Variants in ADGB observed in about 807,000 individuals in gnomAD.
ADGB encodes the protein androglobin.
ADGB carries 172 observed loss-of-function variants against 210.5 expected under a neutral mutation model. The ratio of observed to expected loss-of-function variants is 0.82; its 90% confidence interval spans 0.72 to 0.93. The LOEUF (loss-of-function observed/expected upper bound fraction) is 0.93. ADGB is among the 40% of genes least tolerant of loss of function. The probability of loss-of-function intolerance (pLI) is 0.00; values close to 1 mark genes in which losing one functional copy is unlikely to be tolerated. For synonymous variants in ADGB, 658 were observed against 662.7 expected, an observed-to-expected ratio of 0.99 and a Z score of 0.11; for missense variants, 2,025 against 1,964.8, an observed-to-expected ratio of 1.03 and a Z score of -0.58.
intron 2 of ADGB, among the ~76,000 whole-genome samples, chr6:146,644,225 C>T (rs970114726): frequency 1.3e-5 from 2 of 151,618 alleles, no homozygotes; most frequent in African/African-American, 4.8e-5. Flanking sequence ...TATAAGAACC[C>T]ATTGTATTAT....
chr6:146,758,741 C>T (rs189763679), intron 27 of ADGB, among the ~76,000 whole-genome samples: 341 of 152,004 alleles, frequency 2.2e-3, no homozygotes, highest in African/African-American at 7.6e-3. Flanking sequence ...ACAGAAATCA[C>T]TGTTTTTCTT....
At chr6:146,697,978 CA>C (rs1326115999) in intron 12 of ADGB, among the ~76,000 whole-genome samples, 5 of 152,094 alleles carry the variant, frequency 3.3e-5, no homozygotes. Flanking sequence ...GTCTGGTACA[CA>C]AATTACGTGG....
At chr6:146,658,862 C>T (rs1197833273) in intron 5 of ADGB, among the ~76,000 whole-genome samples, 1 of 152,172 alleles carries the variant, frequency 6.6e-6, no homozygotes, top group Non-Finnish European at 1.5e-5. Context: ...CCCTCTGTTT[C>T]CTCAGTGGTC....
intron 28 of ADGB, among the ~76,000 whole-genome samples, chr6:146,768,403 G>T (rs1189407164): frequency 6.6e-6 from 1 of 152,072 alleles, no homozygotes; most frequent in East Asian, 1.9e-4. Context: ...GGAACAATAA[G>T]AGAAAGTAAG....
intron 2 of ADGB, among the ~76,000 whole-genome samples, chr6:146,638,524 T>G (rs1243719841): frequency 1.4e-5 from 2 of 144,808 alleles, no homozygotes; most frequent in Admixed American, 7.5e-5. Flanking sequence ...AAACACCACA[T>G]GTTCTCACTC....
chr6:146,688,474 TC>T (rs1776261920), intron 10 of ADGB, among the ~76,000 whole-genome samples: 1 of 152,078 alleles, frequency 6.6e-6, no homozygotes, highest in Admixed American at 6.6e-5. Context: ...TGAAGAAGAT[TC>T]CACTGGGTTC....
intron 12 of ADGB, among the ~76,000 whole-genome samples, chr6:146,699,067 C>T (rs922482478): frequency 1.8e-4 from 27 of 152,030 alleles, no homozygotes; most frequent in African/African-American, 6.5e-4. Context: ...GCTTAAGCTA[C>T]CCATTGTTTT....
chr6:146,735,816 T>C (rs989643410), intron 22 of ADGB, among the ~76,000 whole-genome samples: 4 of 152,218 alleles, frequency 2.6e-5, no homozygotes, highest in African/African-American at 9.6e-5. Context: ...ATTGAATAAC[T>C]CTTGATTGCA....
At chr6:146,782,288 ATTCT>A in intron 30 of ADGB, 96 bp downstream of exon 30, 1 of 1,172,128 alleles carries the variant, frequency 8.5e-7, no homozygotes, top group East Asian at 2.8e-5. Context: ...ACCGTGAAAC[ATTCT>A]TTCTCCCTGA....
chr6:146,691,739 CCA>C (rs1776332632), intron 11 of ADGB, among the ~76,000 whole-genome samples: 1 of 150,824 alleles, frequency 6.6e-6, no homozygotes, highest in South Asian at 2.1e-4. Flanking sequence ...TCTGACTTGA[CCA>C]CATATATGAA....
At chr6:146,703,891 T>G (rs1776530603) in intron 13 of ADGB, among the ~76,000 whole-genome samples, 2 of 151,808 alleles carry the variant, frequency 1.3e-5, no homozygotes, top group African/African-American at 4.8e-5. Flanking sequence ...ACCTCCATAC[T>G]GTTTTCTACA....
At chr6:146,703,276 C>T (rs1776518550) in intron 13 of ADGB, among the ~76,000 whole-genome samples, 1 of 151,730 alleles carries the variant, frequency 6.6e-6, no homozygotes, top group Non-Finnish European at 1.5e-5. Flanking sequence ...AAAATATATG[C>T]ATTTATAGTG....
In ADGB at chr6:146,716,887, A is replaced by T; in HGVS notation, c.1746A>T (p.Thr582=). 1 of 1,548,110 alleles carries T rather than the reference A, an allele frequency of 6.5e-7. No individual in the cohort carries two copies. The highest frequency in any genetic ancestry group is 2.5e-5 in the East Asian group (1 of 40,816). Residue 582 remains threonine, a synonymous_variant, in exon 15 of 36, where the codon ACA becomes ACT. Transcript: ENST00000397944. ...TTTGACATGTGTGTCTTCTAGGCAC[A>T]GATGAACAAACAGACTTTGGATTGG... ...TASQVILGKG[T]DEQTDFGLGD...
At chr6:146,632,512 T>C (rs1036547778) in intron 1 of ADGB, among the ~76,000 whole-genome samples, 8 of 152,120 alleles carry the variant, frequency 5.3e-5, no homozygotes, top group African/African-American at 1.9e-4. Context: ...AAGATGTGTA[T>C]GTATTTGAAG....
intron 2 of ADGB, among the ~76,000 whole-genome samples, chr6:146,637,952 C>T (rs1775448634): frequency 6.6e-6 from 1 of 151,934 alleles, no homozygotes; most frequent in Admixed American, 6.6e-5. Flanking sequence ...ATCTTCAGGC[C>T]ACTATCATCG....
intron 29 of ADGB, 33 bp from the exon 30 acceptor site, chr6:146,781,987 G>T: frequency 1.4e-6 from 2 of 1,407,960 alleles, no homozygotes; most frequent in South Asian, 1.8e-5. Context: ...GTTATATTAT[G>T]ACTCACCATT....
intron 1 of ADGB, among the ~76,000 whole-genome samples, chr6:146,621,314 G>A (rs1423912943): frequency 6.6e-6 from 1 of 152,040 alleles, no homozygotes; most frequent in Non-Finnish European, 1.5e-5. Context: ...CCACTGACTG[G>A]AGCACAAAGT....
At chr6:146,809,107 G>T (rs181404073) in intron 35 of ADGB, among the ~76,000 whole-genome samples, 2,676 of 152,072 alleles carry the variant, frequency 0.018, 89 homozygotes, top group African/African-American at 0.061. Flanking sequence ...TGCTACTTGA[G>T]ATAATGGGAA....
intron 9 of ADGB, among the ~76,000 whole-genome samples, chr6:146,678,641 A>T (rs575800702): frequency 6.6e-6 from 1 of 152,308 alleles, no homozygotes; most frequent in African/African-American, 2.4e-5. Context: ...TAGCATATTT[A>T]TGACAACGGT....
Sources: allele counts gnomAD v4.1 joint callset (sites outside exome capture counted in the v4.1 genomes callset), GRCh38; gene constraint gnomAD v4.1.1; transcripts MANE v1.5; gene names NCBI Gene and HGNC (gene_info 2026-07-23, HGNC 2026-07-21).